Variants in GNB1 observed in about 807,000 individuals in gnomAD.
GNB1 encodes the protein guanine nucleotide-binding protein G(I)/G(S)/G(T) subunit beta-1.
GNB1 carries 2 observed loss-of-function variants against 42.9 expected under a neutral mutation model. The observed-to-expected ratio is 0.05, with a 90% CI of 0.02 to 0.15. GNB1 has a LOEUF of 0.15. Ranked by LOEUF, GNB1 falls within the 10% of genes least tolerant of loss-of-function variation. GNB1 has a pLI of 1.00. For missense variants in GNB1, 193 were observed against 462.2 expected (o/e 0.42, Z 5.34); for synonymous variants, 183 against 174.7 (o/e 1.05, Z -0.38).
intron 1 of GNB1, among the ~76,000 whole-genome samples, chr1:1,882,086 A>C (rs181332777): frequency 6.6e-6 from 1 of 152,048 alleles, no homozygotes; most frequent in African/African-American, 2.4e-5. Context: ...TCCCTATTAG[A>C]CCATGAATTC....
At chr1:1,856,031 CTTCTTT>C (rs961327062) in intron 1 of GNB1, among the ~76,000 whole-genome samples, 2 of 152,192 alleles carry the variant, frequency 1.3e-5, no homozygotes, top group African/African-American at 2.4e-5. Flanking sequence ...CTTTCTTCTT[CTTCTTT>C]AAGAGATGGC....
chr1:1,793,631 T>C (rs1646509272), intron 7 of GNB1: 1 of 192,236 alleles, frequency 5.2e-6, no homozygotes. Flanking sequence ...AGGCTGGGGA[T>C]CCCTCGTCTA....
intron 2 of GNB1, among the ~76,000 whole-genome samples, chr1:1,836,846 C>T (rs1398112293): frequency 6.7e-6 from 1 of 149,014 alleles, no homozygotes; most frequent in Middle Eastern, 3.5e-3. Context: ...CCACCGTGCC[C>T]GACTGCTAAC....
chr1:1,805,852 G>C (rs1186585794), intron 6 of GNB1, among the ~76,000 whole-genome samples: 3 of 152,078 alleles, frequency 2.0e-5, no homozygotes, highest in African/African-American at 7.2e-5. Context: ...GAAAACAAAA[G>C]ATTTTTATGG....
chr1:1,869,859 C>T (rs1649153078), intron 1 of GNB1, among the ~76,000 whole-genome samples: 1 of 152,044 alleles, frequency 6.6e-6, no homozygotes, highest in South Asian at 2.1e-4. Context: ...GATTCAAAAA[C>T]AATCTTTTCT....
chr1:1,787,373 C>T lies in GNB1; in HGVS notation c.981G>A (p.Val327=). ...CLGVTDDGMA[V]ATGSWDSFLK... ...GGAAGCTATCCCAGGACCCTGTCGC[C>T]ACAGCCATGCCATCGTCAGTCACGC... is the stretch of plus-strand genomic sequence containing the variant. Residue 327 remains valine (V), a synonymous_variant, in exon 11 of 12, where the codon GTG becomes GTA. Transcript: ENST00000378609. The surrounding 1 kb of genome is among the most constrained non-coding windows in gnomAD (Gnocchi z 4.4). 1 of 1,613,814 alleles carries T rather than the reference C, an allele frequency of 6.2e-7. No individual in the cohort carries two copies. Among genetic ancestry groups the T allele is most frequent in the Non-Finnish European group, 8.5e-7 (1 of 1,179,750 alleles).
At position 1,790,098 on chromosome 1, in the gene GNB1, C is replaced by G. The variant is rs1377138768; in HGVS notation, c.699+297G>C. Reference sequence around the variant, plus strand: ...AGCTGTGCCCCTGACCAGTAAGGCTCTGTAACCACTGGTGGCCTGAGTTAT... The same window carrying G: ...AGCTGTGCCCCTGACCAGTAAGGCTGTGTAACCACTGGTGGCCTGAGTTAT... On this transcript the variant is annotated intron_variant, in intron 9 of 11. Transcript: ENST00000378609. This position sits in a 1 kb window ranked among gnomAD's most constrained non-coding sequence, Gnocchi z 5.4. 6.6e-6 allele frequency among the ~76,000 whole-genome samples: 1 copy of G among 152,192 alleles called. No individual in the cohort carries two copies. Among genetic ancestry groups the G allele is most frequent in the African/African-American group, 2.4e-5 (1 of 41,440 alleles).
At chr1:1,825,250 C>CTA in intron 3 of GNB1, 147 bp downstream of exon 3, 1 of 669,652 alleles carries the variant, frequency 1.5e-6, no homozygotes, top group South Asian at 1.8e-5. Flanking sequence ...GTATCTAGAT[C>CTA]TATAATTAGT....
intron 10 of GNB1, chr1:1,788,283 G>C (rs1417130819): frequency 6.5e-6 from 1 of 153,036 alleles, no homozygotes; most frequent in Non-Finnish European, 1.5e-5. Flanking sequence ...CTTCCTCCCA[G>C]GGGGATCCGA....
intron 2 of GNB1, among the ~76,000 whole-genome samples, chr1:1,835,922 G>GAAAAA (rs59271649): frequency 6.8e-5 from 6 of 88,670 alleles, no homozygotes; most frequent in East Asian, 3.5e-4. Context: ...ATTAAAAAAA[G>GAAAAA]AAAAAAAAAA....
At chr1:1,834,447 C>T (rs763953489) in intron 2 of GNB1, among the ~76,000 whole-genome samples, 47 of 152,094 alleles carry the variant, frequency 3.1e-4, no homozygotes, top group Middle Eastern at 3.2e-3. Context: ...CTAGCACATA[C>T]TAGGACAATT....
intron 3 of GNB1, chr1:1,818,154 A>G (rs1337148756): frequency 6.8e-6 from 2 of 295,838 alleles, no homozygotes; most frequent in African/African-American, 4.3e-5. Context: ...AGCACCGAGG[A>G]GACCACACTG....
Position 1,792,696 on chromosome 1 carries a change from CAAAAAAAAAA to C in GNB1, c.497+539_497+548del, listed in dbSNP as rs374752641. 3.9e-5 allele frequency among the ~76,000 whole-genome samples: 4 copies of C among 102,810 alleles called. No individual in the cohort carries two copies. The East Asian group carries it at 1.1e-3, about 29-fold the overall frequency. 67.4% of individuals were successfully genotyped at this position (102,810 alleles called of 152,430 possible). On this transcript the variant is annotated intron_variant, in intron 8 of 11. Coordinates refer to ENST00000378609, the MANE Select transcript of GNB1 (RefSeq NM_002074.5). ...CTGGAGACAGAGAGAGACTCTATCT[CAAAAAAAAAA>C]AAAAAAAGAAAAAAATGTGTATTTT...
chr1:1,815,020 G>T (rs551503161), intron 5 of GNB1, among the ~76,000 whole-genome samples: 7 of 151,474 alleles, frequency 4.6e-5, no homozygotes, highest in African/African-American at 1.5e-4. Context: ...GGTGAGGCAG[G>T]AGAATGGCGT....
chr1:1,863,457 T>C (rs1648739492), intron 1 of GNB1, among the ~76,000 whole-genome samples: 1 of 152,208 alleles, frequency 6.6e-6, no homozygotes, highest in Admixed American at 6.5e-5. Flanking sequence ...CTGGAGGGGT[T>C]TGGGAGTGGG....
chr1:1,803,003 A>C (rs1646646400), intron 7 of GNB1, among the ~76,000 whole-genome samples: 1 of 152,200 alleles, frequency 6.6e-6, no homozygotes, highest in Admixed American at 6.5e-5. Context: ...GGACAAGGTT[A>C]AACTTGTAAT....
intron 1 of GNB1, among the ~76,000 whole-genome samples, chr1:1,887,746 G>C (rs567239163): frequency 4.6e-5 from 7 of 152,262 alleles, no homozygotes; most frequent in African/African-American, 1.7e-4. Flanking sequence ...CTCCCGAGTA[G>C]CTGGGATTAC....
intron 1 of GNB1, chr1:1,890,381 G>A (rs1376369961): frequency 6.7e-6 from 1 of 150,236 alleles, no homozygotes; most frequent in Admixed American, 6.6e-5. Flanking sequence ...GGCGGCCCGC[G>A]CGGGGGCTCC....
chr1:1,800,916 G>A (rs1220684382), intron 7 of GNB1, among the ~76,000 whole-genome samples: 3 of 152,262 alleles, frequency 2.0e-5, no homozygotes, highest in Non-Finnish European at 4.4e-5. Flanking sequence ...CATTAACCAT[G>A]ACTTGTTCCG....
Sources: gnomAD v4.1 joint callset for allele counts (sites outside exome capture counted in the v4.1 genomes callset) on GRCh38, gnomAD v4.1.1 for gene constraint, Gnocchi (gnomAD v3.1) non-coding constraint, MANE v1.5 for transcripts, NCBI Gene and HGNC (gene_info 2026-07-23, HGNC 2026-07-21) for gene names.